EPHB2: variants seen among roughly 807,000 people sequenced by gnomAD.
EPHB2 encodes ephrin type-B receptor 2.
In EPHB2, 18 loss-of-function variants were observed where a neutral mutation model predicts 96.4. That is an observed-to-expected ratio of 0.19 (90% CI 0.13 to 0.28). The LOEUF (loss-of-function observed/expected upper bound fraction) is 0.28, where lower values mean the gene tolerates loss of function less well. Ranked by LOEUF, EPHB2 falls within the 10% of genes least tolerant of loss-of-function variation. The probability of loss-of-function intolerance (pLI) is 1.00; values close to 1 mark genes in which losing one functional copy is unlikely to be tolerated. For synonymous variants in EPHB2, 506 were observed against 534.1 expected, an observed-to-expected ratio of 0.95 and a Z score of 0.72; for missense variants, 989 against 1,355.4, an observed-to-expected ratio of 0.73 and a Z score of 4.25.
intron 3 of EPHB2, among the ~76,000 whole-genome samples, chr1:22,827,953 C>T (rs1645247910): frequency 1.3e-5 from 2 of 152,230 alleles, no homozygotes; most frequent in Admixed American, 1.3e-4. Context: ...AGAGACAGAG[C>T]CAGGGCTATA....
chr1:22,808,322 T>G (rs1337761223), intron 3 of EPHB2, among the ~76,000 whole-genome samples: 1 of 152,034 alleles, frequency 6.6e-6, no homozygotes, highest in East Asian at 1.9e-4. Context: ...CTCCTTTGAA[T>G]CCCAGGACCT....
chr1:22,783,762 G>A (rs55993745), intron 2 of EPHB2, among the ~76,000 whole-genome samples: 17,425 of 152,194 alleles, frequency 0.11, 1,202 homozygotes, highest in South Asian at 0.15. Context: ...CCCAGTGAGG[G>A]TACAGGAGTA....
intron 1 of EPHB2, among the ~76,000 whole-genome samples, chr1:22,750,443 T>A (rs533538958): frequency 6.6e-6 from 1 of 152,212 alleles, no homozygotes; most frequent in Non-Finnish European, 1.5e-5. Flanking sequence ...TGTGTTTACA[T>A]GAGTGTCAGA....
chr1:22,882,564 C>A, intron 6 of EPHB2, 81 bp downstream of exon 6: 1 of 1,597,574 alleles, frequency 6.3e-7, no homozygotes, highest in Admixed American at 1.7e-5. Flanking sequence ...GAGTTCTGCC[C>A]CACCGCAAGA....
rs751896309 is a variant in EPHB2 at position 22,907,959 on chromosome 1, G to T, written c.2143G>T (p.Asp715Tyr). 1.2e-6 allele frequency: 2 copies of T among 1,614,236 alleles called. No homozygotes were observed. The highest frequency in any genetic ancestry group is 1.7e-6 in the Non-Finnish European group (2 of 1,180,048). The change falls in exon 12 of 16, where the codon GAT becomes TAT. Residue 715 changes from aspartate to tyrosine, a missense_variant. Coordinates refer to ENST00000374630, the MANE Select transcript of EPHB2 (RefSeq NM_017449.5). ...GSLDSFLRQN[D>Y]GQFTVIQLVG... ...TTCCCCACTTCTCCCAAAGCAAAAC[G>T]ATGGGCAGTTCACAGTCATCCAGCT...
chr1:22,907,914 T>C (rs1408771151), intron 11 of EPHB2, 39 bp from the exon 12 acceptor site: 1 of 1,609,388 alleles, frequency 6.2e-7, no homozygotes, highest in South Asian at 1.1e-5. Context: ...TGATGCCTGC[T>C]CTTCTGTTTA....
intron 1 of EPHB2, among the ~76,000 whole-genome samples, chr1:22,743,295 G>A (rs1317520075): frequency 4.6e-5 from 7 of 152,068 alleles, no homozygotes; most frequent in Admixed American, 6.5e-5. Flanking sequence ...GATGCCGCCC[G>A]TACACCTGAA....
rs764400740 is a variant in EPHB2 at position 22,906,726 on chromosome 1, C to G, written c.1905C>G (p.Val635=). 6.2e-7 allele frequency: 1 copy of G among 1,614,142 alleles called. No individual in the cohort carries two copies. The highest frequency in any genetic ancestry group is 2.2e-5 in the East Asian group (1 of 44,878). ...QVIGAGEFGE[V]CSGHLKLPGK... Reference sequence around the variant, plus strand: ...CTCTCTCAGGGGAGTTTGGCGAGGTCTGCAGTGGCCACCTGAAGCTGCCAG... The same window carrying G: ...CTCTCTCAGGGGAGTTTGGCGAGGTGTGCAGTGGCCACCTGAAGCTGCCAG... The change falls in exon 11 of 16, where the codon GTC becomes GTG. Residue 635 remains valine, a synonymous_variant. Transcript: ENST00000374630. This position sits in a 1 kb window ranked among gnomAD's most constrained non-coding sequence, Gnocchi z 4.8.
chr1:22,789,115 G>A (rs988762022), intron 3 of EPHB2, among the ~76,000 whole-genome samples: 10 of 152,102 alleles, frequency 6.6e-5, no homozygotes, highest in Non-Finnish European at 1.3e-4. Flanking sequence ...GAGCTCAGAC[G>A]CACGATGTGA....
intron 1 of EPHB2, among the ~76,000 whole-genome samples, chr1:22,778,022 GT>G (rs1217955813): frequency 7.2e-6 from 1 of 139,006 alleles, no homozygotes; most frequent in East Asian, 2.8e-4. Flanking sequence ...TTGTTTGTTT[GT>G]TTTGTTTTGT....
intron 1 of EPHB2, among the ~76,000 whole-genome samples, chr1:22,719,349 C>T (rs564996682): frequency 6.6e-6 from 1 of 152,290 alleles, no homozygotes; most frequent in East Asian, 1.9e-4. Flanking sequence ...CTTAATAGCT[C>T]ATCTATCCAG....
At chr1:22,895,405 G>A in intron 7 of EPHB2, 67 bp from the exon 8 acceptor site, 1 of 1,468,198 alleles carries the variant, frequency 6.8e-7, no homozygotes, top group Non-Finnish European at 9.5e-7. Flanking sequence ...ATGGCAGGGG[G>A]TAGGGGACAA....
chr1:22,742,588 C>T (rs1332348170), intron 1 of EPHB2, among the ~76,000 whole-genome samples: 3 of 152,156 alleles, frequency 2.0e-5, no homozygotes, highest in Non-Finnish European at 4.4e-5. Context: ...ACTGCTGCAG[C>T]CTTGACCTCC....
intron 1 of EPHB2, among the ~76,000 whole-genome samples, chr1:22,722,829 A>T (rs1643496320): frequency 6.6e-6 from 1 of 152,182 alleles, no homozygotes; most frequent in African/African-American, 2.4e-5. Context: ...GAACTATACA[A>T]TGAGGTTAGA....
intron 3 of EPHB2, among the ~76,000 whole-genome samples, chr1:22,853,797 C>T (rs777887922): frequency 7.2e-5 from 11 of 152,216 alleles, no homozygotes; most frequent in South Asian, 2.1e-4. Context: ...GAGGCTGAAG[C>T]AGGCCGGACT....
At chr1:22,794,965 C>A (rs1200518771) in intron 3 of EPHB2, among the ~76,000 whole-genome samples, 1 of 152,228 alleles carries the variant, frequency 6.6e-6, no homozygotes, top group African/African-American at 2.4e-5. Context: ...CCTTTCTAAG[C>A]CTCTGGTACA....
chr1:22,785,075 A>T lies in EPHB2; in HGVS notation c.810A>T (p.Arg270=), dbSNP rs947659168. 1 of 1,613,452 alleles carries T rather than the reference A, an allele frequency of 6.2e-7. No individual in the cohort carries two copies. Among genetic ancestry groups the T allele is most frequent in the Non-Finnish European group, 8.5e-7 (1 of 1,180,046 alleles). The part of the protein sequence containing the change: ...FEAVENGTVC[R]GCPSGTFKAN... ...CCGTTGAGAATGGCACCGTCTGCCG[A>T]GGTAAGGGCCAGGGTGGGGCACGTG... is the stretch of plus-strand genomic sequence containing the variant. Residue 270 remains arginine (R), a splice_region_variant and synonymous_variant, in exon 3 of 16, where the codon CGA becomes CGT. Coordinates refer to ENST00000374630, the MANE Select transcript of EPHB2 (RefSeq NM_017449.5).
In EPHB2 at chr1:22,856,159, G is replaced by A. The variant is rs547428043; in HGVS notation, c.812-6878G>A. ...TAAGCCAGAGTCCCTGGGAGGAGAG[G>A]GGGGAGCAGAGGCAGCAGGCCAGCC... is the stretch of plus-strand genomic sequence containing the variant. On this transcript the variant is annotated intron_variant, in intron 3 of 15. Coordinates refer to ENST00000374630, the MANE Select transcript of EPHB2 (RefSeq NM_017449.5). Among the ~76,000 whole-genome samples, 4 of 152,272 alleles carry A rather than the reference G, an allele frequency of 2.6e-5. No homozygotes were observed. The East Asian group carries it at 5.8e-4, about 22-fold the overall frequency.
rs187314191 is a variant in EPHB2 at position 22,784,032 on chromosome 1, A to G, written c.127-360A>G. On this transcript the variant is annotated intron_variant, in intron 2 of 15. Coordinates refer to ENST00000374630, the MANE Select transcript of EPHB2 (RefSeq NM_017449.5). This position sits in a 1 kb window ranked among gnomAD's most constrained non-coding sequence, Gnocchi z 5.1. The stretch of plus-strand genomic sequence containing the variant: ...CTCCTCCATCAGACTGGTAGCCCCC[A>G]CAACCACAAAGCTATGTCTACTTTC... Among the ~76,000 whole-genome samples the G allele has an allele frequency of 1.0e-3, 159 of 152,224 alleles. 1 individual carries two copies. Among genetic ancestry groups the G allele is most frequent in the South Asian group, 1.0e-2 (48 of 4,810 alleles).
Sources: gnomAD v4.1 joint callset for allele counts (sites outside exome capture counted in the v4.1 genomes callset) on GRCh38, gnomAD v4.1.1 for gene constraint, Gnocchi (gnomAD v3.1) non-coding constraint, MANE v1.5 for transcripts, NCBI Gene and HGNC (gene_info 2026-07-23, HGNC 2026-07-21) for gene names.